Variants in MNT observed in about 807,000 individuals in gnomAD.
MNT encodes MAX network transcriptional repressor.
Under a neutral mutation model 40.7 loss-of-function variants are expected in MNT, and 13 were observed. The observed-to-expected ratio is 0.32, with a 90% confidence interval of 0.21 to 0.51. MNT has a LOEUF of 0.51. MNT is among the 20% of genes least tolerant of loss of function. The pLI is 0.98. For synonymous variants in MNT, 426 were observed against 354.8 expected (o/e 1.20, Z -2.26); for missense variants, 757 against 792.0 (o/e 0.96, Z 0.53).
intron 1 of MNT, 24 bp from the exon 2 acceptor site, chr17:2,395,478 G>A (rs1394192996): frequency 1.2e-5 from 19 of 1,608,356 alleles, no homozygotes; most frequent in Non-Finnish European, 1.6e-5. Context: ...ACACAAGGGG[G>A]GGAGGGTCTC....
intron 1 of MNT, among the ~76,000 whole-genome samples, chr17:2,397,456 CT>C (rs1398630639): frequency 6.6e-6 from 1 of 152,162 alleles, no homozygotes; most frequent in Non-Finnish European, 1.5e-5. Flanking sequence ...GGACTCCACT[CT>C]TTATAGGCAG....
rs138247244 is a variant in MNT at position 2,384,597 on chromosome 17, C to CGTGT, written c.*2300_*2303dup. The CGTGT allele has an allele frequency of 0.046, 6,660 of 145,644 alleles. 175 individuals are homozygous for CGTGT. The highest frequency in any genetic ancestry group is 0.059 in the African/African-American group (2,309 of 39,212). 9.0% of individuals were successfully genotyped at this position (145,644 alleles called of 1,614,324 possible). On this transcript the variant is annotated 3_prime_UTR_variant, in exon 6 of 6. Transcript: ENST00000174618. ...GAGGTAAGATGTGTGCGTGTGCGTGCGTGTGTGTGTGTGTGTGTGTGTGTG... is the reference window on the plus strand; with the variant it reads ...GAGGTAAGATGTGTGCGTGTGCGTGCGTGTGTGTGTGTGTGTGTGTGTGTGTGTG...
At chr17:2,387,694 G>GC (rs2151664677) in intron 5 of MNT, 45 bp from the exon 6 acceptor site, 2 of 1,606,200 alleles carry the variant, frequency 1.2e-6, no homozygotes, top group Non-Finnish European at 8.5e-7. Context: ...GGGCGGGGAA[G>GC]CAAGTGGCTG....
Position 2,400,939 on chromosome 17 carries a change from CAAAA to C in MNT, c.-231_-228del, listed in dbSNP as rs755785772. ...ATTGCAAATTTAAAAAAATGGGATGCAAAAAAAAAAAAAAGGCGGCACTGCCTCC... is the reference window on the plus strand; with the variant it reads ...ATTGCAAATTTAAAAAAATGGGATGCAAAAAAAAAAGGCGGCACTGCCTCC... On this transcript the variant is annotated 5_prime_UTR_variant, in exon 1 of 6. Coordinates refer to ENST00000174618, the MANE Select transcript of MNT (RefSeq NM_020310.3). The C allele has an allele frequency of 4.2e-4, 103 of 245,552 alleles. No individual in the cohort carries two copies. Among genetic ancestry groups the C allele is most frequent in the Middle Eastern group, 1.1e-3 (1 of 912 alleles). 15.2% of individuals were successfully genotyped at this position (245,552 alleles called of 1,614,324 possible). A position where few individuals can be genotyped will look rare whatever the true frequency, so the allele number is the denominator to read the frequency against.
chr17:2,394,267 A>G lies in MNT; in HGVS notation c.695+38T>C, dbSNP rs374759866. 2,317 of 1,482,058 alleles carry G rather than the reference A, an allele frequency of 1.6e-3. 32 individuals are homozygous for G. The East Asian group carries it at 0.03, about 19-fold the overall frequency. 91.8% of individuals were successfully genotyped at this position (1,482,058 alleles called of 1,614,324 possible). A position where few individuals can be genotyped will look rare whatever the true frequency, so the allele number is the denominator to read the frequency against. The stretch of plus-strand genomic sequence containing the variant: ...CCGCCGGGGCCCGGGTCGCGCGCGC[A>G]CGCACGCACGCACACACACACACAC... On this transcript the variant is annotated intron_variant, in intron 3 of 5. Transcript: ENST00000174618.
At chr17:2,397,956 G>C (rs1404832206) in intron 1 of MNT, among the ~76,000 whole-genome samples, 1 of 152,370 alleles carries the variant, frequency 6.6e-6, no homozygotes, top group East Asian at 1.9e-4. Context: ...TGACCCAGGG[G>C]CCAAGGCTTC....
rs547418853 is a variant in MNT, at chr17:2,385,775, G to A, written c.*1126C>T. 1 of 152,414 alleles carries A rather than the reference G, an allele frequency of 6.6e-6. No homozygotes were observed. Among genetic ancestry groups the A allele is most frequent in the Admixed American group, 6.5e-5 (1 of 15,312 alleles). The allele number at this position is 152,414 out of a possible 1,614,324, so 9.4% of individuals were successfully genotyped here. Reference sequence around the variant, plus strand: ...TCTGTTCTGTATAGGTCCCAGGGTTGGTCTGGGGACAGGCTTAGGGCTTGG... The same window carrying A: ...TCTGTTCTGTATAGGTCCCAGGGTTAGTCTGGGGACAGGCTTAGGGCTTGG... On this transcript the variant is annotated 3_prime_UTR_variant, in exon 6 of 6. Coordinates refer to ENST00000174618, the MANE Select transcript of MNT (RefSeq NM_020310.3).
intron 4 of MNT, chr17:2,388,285 A>C: frequency 1.9e-6 from 1 of 515,402 alleles, no homozygotes; most frequent in South Asian, 2.7e-5. Flanking sequence ...AAGCAAGCTC[A>C]ACCAGGTGTG....
rs1223664477 is a variant in MNT, at chr17:2,400,436, C to A, written c.73+204G>T. On this transcript the variant is annotated intron_variant, in intron 1 of 5. Coordinates refer to ENST00000174618, the MANE Select transcript of MNT (RefSeq NM_020310.3). The stretch of plus-strand genomic sequence containing the variant: ...TGGCGCCCGCAGGAGCCAGGTCCCT[C>A]GCAGCATGTTAATGAATTCATTAAT... 5 of 484,744 alleles carry A rather than the reference C, an allele frequency of 1.0e-5. No individual in the cohort carries two copies. In the East Asian group the frequency reaches 1.9e-4, roughly 19 times the overall value. 30.0% of individuals were successfully genotyped at this position (484,744 alleles called of 1,614,324 possible).
chr17:2,398,608 G>C (rs944632380), intron 1 of MNT, among the ~76,000 whole-genome samples: 1 of 152,192 alleles, frequency 6.6e-6, no homozygotes, highest in African/African-American at 2.4e-5. Flanking sequence ...CTAGCTTTCC[G>C]CACCCACTCA....
intron 2 of MNT, 80 bp downstream of exon 2, chr17:2,394,795 G>T: frequency 9.9e-7 from 1 of 1,014,380 alleles, no homozygotes; most frequent in Non-Finnish European, 1.5e-6. Context: ...GCTGGGGAGG[G>T]CACCTTGTCT....
intron 4 of MNT, among the ~76,000 whole-genome samples, chr17:2,393,139 ACCC>A (rs57125154): frequency 7.3e-5 from 7 of 96,046 alleles, no homozygotes; most frequent in Admixed American, 6.7e-4. Flanking sequence ...CTCGCCGCCC[ACCC>A]CCCCCCCAAC....
intron 1 of MNT, 183 bp downstream of exon 1, chr17:2,400,457 T>C: frequency 1.9e-6 from 1 of 523,592 alleles, no homozygotes; most frequent in Non-Finnish European, 3.3e-6. Context: ...AATGAATTCA[T>C]TAATTAATTT....
intron 4 of MNT, chr17:2,392,753 G>C (rs974731231): frequency 1.3e-5 from 2 of 151,846 alleles, no homozygotes; most frequent in Non-Finnish European, 2.9e-5. Context: ...CGCCCTCCGC[G>C]ACTCGAGAGC....
At chr17:2,393,180 T>A (rs1380597098) in intron 4 of MNT, among the ~76,000 whole-genome samples, 1 of 71,980 alleles carries the variant, frequency 1.4e-5, no homozygotes, top group Non-Finnish European at 3.2e-5. Context: ...CGTCCCTCCA[T>A]CCCCTACGGC....
chr17:2,388,067 G>A lies in MNT; in HGVS notation c.808-18C>T, dbSNP rs1427462608. ...TTCAGGGACTGGCACACAGAGTAAGGGACAGCAGGACACCCTGAGCAGCAG... is the reference window on the plus strand; with the variant it reads ...TTCAGGGACTGGCACACAGAGTAAGAGACAGCAGGACACCCTGAGCAGCAG... On this transcript the variant is annotated intron_variant, in intron 4 of 5. Transcript: ENST00000174618. 2 of 1,541,674 alleles carry A rather than the reference G, an allele frequency of 1.3e-6. No homozygotes were observed. The highest frequency in any genetic ancestry group is 2.0e-5 in the Admixed American group (1 of 50,694).
chr17:2,392,966 C>T (rs990554408), intron 4 of MNT, among the ~76,000 whole-genome samples: 11 of 152,160 alleles, frequency 7.2e-5, no homozygotes, highest in African/African-American at 1.9e-4. Flanking sequence ...AGTCAGGCTC[C>T]GGTTACCTCA....
At chr17:2,396,194 T>TA (rs1292256622) in intron 1 of MNT, among the ~76,000 whole-genome samples, 1 of 152,208 alleles carries the variant, frequency 6.6e-6, no homozygotes, top group South Asian at 2.1e-4. Flanking sequence ...CCAGCACTCT[T>TA]GACTCCGAGG....
Position 2,387,232 on chromosome 17 carries a change from G to A in MNT, c.1418C>T (p.Ser473Leu), listed in dbSNP as rs779716020. Reference sequence around the variant, plus strand: ...CAGTTGCACCGCAGGGCTGGGGGCCGAGGGGGCGATGTGGGCGATGTGCTT... The same window carrying A: ...CAGTTGCACCGCAGGGCTGGGGGCCAAGGGGGCGATGTGGGCGATGTGCTT... ...GGKHIAHIAP[S>L]APSPAVQLAP... The change falls in exon 6 of 6, where the codon TCG (serine) becomes TTG (leucine). Residue 473 changes from serine to leucine, a missense_variant. Physicochemically the swap from Ser to Leu is moderately radical, Grantham distance 145. Around this residue, in one of 4 missense-constraint regions of MNT, gnomAD observed 345 missense variants for 380.1 expected, o/e 0.91. Coordinates refer to ENST00000174618, the MANE Select transcript of MNT (RefSeq NM_020310.3). 5.6e-6 allele frequency: 9 copies of A among 1,612,002 alleles called. No individual in the cohort carries two copies. The highest frequency in any genetic ancestry group is 1.1e-5 in the South Asian group (1 of 90,694).
Sources: gnomAD v4.1 joint callset for allele counts (sites outside exome capture counted in the v4.1 genomes callset) on GRCh38, gnomAD v4.1.1 for gene constraint, gnomAD v4.1.1 regional missense constraint, MANE v1.5 for transcripts, NCBI Gene and HGNC (gene_info 2026-07-23, HGNC 2026-07-21) for gene names.